The following PAX7 variants were observed in gnomAD, a reference collection of about 807,000 sequenced individuals.
PAX7 encodes the protein paired box protein Pax-7.
Under a neutral mutation model 50.7 loss-of-function variants are expected in PAX7, and 18 were observed. That is an observed-to-expected ratio of 0.36 (90% confidence interval 0.25 to 0.53). PAX7 has a LOEUF of 0.53. Among genes scored for constraint, PAX7 ranks in the 20% least tolerant of loss-of-function variants. The pLI is 0.93. For missense variants in PAX7, 644 were observed against 702.9 expected (o/e 0.92, Z 0.95); for synonymous variants, 310 against 290.4 (o/e 1.07, Z -0.69).
intron 7 of PAX7, among the ~76,000 whole-genome samples, chr1:18,727,090 C>G (rs2089581390): frequency 6.6e-6 from 1 of 152,066 alleles, no homozygotes; most frequent in Non-Finnish European, 1.5e-5. Context: ...ACACAATACT[C>G]ACAGAAACAC....
chr1:18,684,592 C>T (rs958141300), intron 4 of PAX7, among the ~76,000 whole-genome samples: 5 of 152,242 alleles, frequency 3.3e-5, no homozygotes, highest in Non-Finnish European at 7.3e-5. Context: ...GCTTGCCGGG[C>T]CCCCAGCTGA....
At chr1:18,722,796 T>C (rs927465977) in intron 7 of PAX7, among the ~76,000 whole-genome samples, 5 of 152,104 alleles carry the variant, frequency 3.3e-5, no homozygotes, top group African/African-American at 1.2e-4. Context: ...AGAGTGAAAC[T>C]CCAAATCAGA....
chr1:18,657,655 G>A lies in PAX7; in HGVS notation c.586+21284G>A, dbSNP rs368582995. ...ACACTTAAAGGGAAGCAGAATTCAG[G>A]GGCCCGATGAATAGCGGTTTTGTCT... On this transcript the variant is annotated intron_variant, in intron 4 of 8. Transcript: ENST00000420770. Among the ~76,000 whole-genome samples the A allele has an allele frequency of 1.5e-3, 232 of 152,260 alleles. 1 individual carries two copies. The highest frequency in any genetic ancestry group is 0.01 in the South Asian group (49 of 4,816).
Position 18,747,259 on chromosome 1 carries a change from T to C in PAX7, c.*2330T>C. ...TCCCCAGGAGGCGACATTCCAATGC[T>C]AGGACCAATCCCAGATATCTGGTCC... On this transcript the variant is annotated 3_prime_UTR_variant, in exon 9 of 9. Transcript: ENST00000420770. 1 of 230,114 alleles carries C rather than the reference T, an allele frequency of 4.3e-6. No homozygotes were observed. Among genetic ancestry groups the C allele is most frequent in the Non-Finnish European group, 8.6e-6 (1 of 116,130 alleles). The allele number at this position is 230,114 out of a possible 1,614,324, so 14.3% of individuals were successfully genotyped here. A position where few individuals can be genotyped will look rare whatever the true frequency, so the allele number is the denominator to read the frequency against.
intron 7 of PAX7, among the ~76,000 whole-genome samples, chr1:18,716,504 G>GTT (rs535796740): frequency 5.8e-4 from 29 of 50,132 alleles, no homozygotes; most frequent in African/African-American, 1.5e-3. Context: ...GTTGTTTTTT[G>GTT]TTTTTTGTTT....
At chr1:18,694,568 G>T (rs1322879479) in intron 5 of PAX7, among the ~76,000 whole-genome samples, 1 of 151,276 alleles carries the variant, frequency 6.6e-6, no homozygotes, top group Non-Finnish European at 1.5e-5. Flanking sequence ...GAAAGATACA[G>T]CTGCTCTGAG....
At position 18,703,405 on chromosome 1, in the gene PAX7, C is replaced by T. The variant is rs935429829; in HGVS notation, c.1155+109C>T. On this transcript the variant is annotated intron_variant, in intron 7 of 8. Coordinates refer to ENST00000420770, the MANE Select transcript of PAX7 (RefSeq NM_001135254.2). Reference sequence around the variant, plus strand: ...GCTCTTTCCTGTAGCAGGCTGACTGCGGTTGGGGTTTTTGTTCTAGAATCA... The same window carrying T: ...GCTCTTTCCTGTAGCAGGCTGACTGTGGTTGGGGTTTTTGTTCTAGAATCA... The T allele has an allele frequency of 2.1e-5, 21 of 980,460 alleles. No homozygotes were observed. In the African/African-American group the frequency reaches 3.0e-4, roughly 14 times the overall value. The allele number at this position is 980,460 out of a possible 1,614,324, so 60.7% of individuals were successfully genotyped here. A position where few individuals can be genotyped will look rare whatever the true frequency, so the allele number is the denominator to read the frequency against.
intron 4 of PAX7, among the ~76,000 whole-genome samples, chr1:18,665,672 C>CTTCTT (rs2088658500): frequency 8.2e-6 from 1 of 122,268 alleles, no homozygotes; most frequent in African/African-American, 3.3e-5. Context: ...TGCGCCCAGC[C>CTTCTT]TTTTTTTTTT....
At chr1:18,660,699 G>T (rs1570136484) in intron 4 of PAX7, among the ~76,000 whole-genome samples, 1 of 152,132 alleles carries the variant, frequency 6.6e-6, no homozygotes. Context: ...ACCAGGACTG[G>T]CAGGGCTATA....
At chr1:18,710,566 C>G (rs571795472) in intron 7 of PAX7, among the ~76,000 whole-genome samples, 1 of 151,830 alleles carries the variant, frequency 6.6e-6, no homozygotes, top group Non-Finnish European at 1.5e-5. Context: ...AAAACTGATG[C>G]AAATCACTGG....
chr1:18,740,602 G>C (rs185090906), intron 8 of PAX7, among the ~76,000 whole-genome samples: 24 of 152,286 alleles, frequency 1.6e-4, no homozygotes, highest in African/African-American at 5.8e-4. Context: ...TGCTCGCCTT[G>C]TTGTTCTGAT....
intron 8 of PAX7, among the ~76,000 whole-genome samples, chr1:18,738,858 A>T (rs750254731): frequency 2.6e-5 from 4 of 152,206 alleles, no homozygotes; most frequent in Non-Finnish European, 5.9e-5. Context: ...GAGGCCACGA[A>T]TTAGACTTAG....
rs538245331 is a variant in PAX7, at chr1:18,739,920, G to T, written c.1402+4042G>T. 2.3e-4 allele frequency among the ~76,000 whole-genome samples: 35 copies of T among 152,296 alleles called. No homozygotes were observed. In the South Asian group the frequency reaches 5.0e-3, roughly 22 times the overall value. On this transcript the variant is annotated intron_variant, in intron 8 of 8. Coordinates refer to ENST00000420770, the MANE Select transcript of PAX7 (RefSeq NM_001135254.2). The stretch of plus-strand genomic sequence containing the variant: ...AATGGGGCTGATAGAACGCTGAAGT[G>T]TGAAAAGAATTTTAATAGATCTGAC...
chr1:18,666,051 G>A (rs992858926), intron 4 of PAX7, among the ~76,000 whole-genome samples: 1 of 152,180 alleles, frequency 6.6e-6, no homozygotes, highest in East Asian at 1.9e-4. Context: ...GCTCCAGCCT[G>A]TAATCCTAGC....
intron 4 of PAX7, among the ~76,000 whole-genome samples, chr1:18,656,953 C>T (rs2088531399): frequency 6.6e-6 from 1 of 152,130 alleles, no homozygotes; most frequent in Non-Finnish European, 1.5e-5. Context: ...GATCACACCA[C>T]TGCACTGCAG....
At chr1:18,648,237 C>T (rs1157551638) in intron 4 of PAX7, among the ~76,000 whole-genome samples, 1 of 151,996 alleles carries the variant, frequency 6.6e-6, no homozygotes, top group Non-Finnish European at 1.5e-5. Flanking sequence ...GTTTTCCCCA[C>T]CCCCAGCCAT....
intron 4 of PAX7, among the ~76,000 whole-genome samples, chr1:18,670,630 C>A (rs2088733558): frequency 6.6e-6 from 1 of 152,204 alleles, no homozygotes; most frequent in Non-Finnish European, 1.5e-5. Context: ...CAGCCCCAGG[C>A]ATCCGTCCGT....
At chr1:18,720,570 T>C (rs72939246) in intron 7 of PAX7, among the ~76,000 whole-genome samples, 4,512 of 150,798 alleles carry the variant, frequency 0.03, 162 homozygotes, top group African/African-American at 0.083. Context: ...GAGGTGCTGA[T>C]GGAGAGAAGG....
chr1:18,662,473 G>A (rs1167461475), intron 4 of PAX7, among the ~76,000 whole-genome samples: 1 of 152,200 alleles, frequency 6.6e-6, no homozygotes, highest in East Asian at 1.9e-4. Flanking sequence ...AAGAGAGCCT[G>A]TAGATTCACA....
Sources: allele counts gnomAD v4.1 joint callset (sites outside exome capture counted in the v4.1 genomes callset), GRCh38; gene constraint gnomAD v4.1.1; transcripts MANE v1.5; gene names NCBI Gene and HGNC (gene_info 2026-07-23, HGNC 2026-07-21).